The following UIMC1 variants were observed in gnomAD, a reference collection of about 807,000 sequenced individuals.
UIMC1 encodes the protein ubiquitin interaction motif containing 1, also known as BRCA1-A complex subunit RAP80.
Under a neutral mutation model 84.9 loss-of-function variants are expected in UIMC1, and 42 were observed. The observed-to-expected ratio is 0.49, with a 90% CI of 0.39 to 0.64. The LOEUF is 0.64. Among genes scored for constraint, UIMC1 ranks in the 30% least tolerant of loss-of-function variants. UIMC1 has a pLI of 0.00. For missense variants in UIMC1, 825 were observed against 847.6 expected (o/e 0.97, Z 0.33); for synonymous variants, 281 against 293.0 (o/e 0.96, Z 0.42).
chr5:176,969,357 A>G, intron 5 of UIMC1, 66 bp from the exon 6 acceptor site: 1 of 1,525,842 alleles, frequency 6.6e-7, no homozygotes, highest in Non-Finnish European at 8.8e-7. Context: ...TTGGTAAGTT[A>G]TCACTTACCA....
chr5:176,965,091 C>T (rs937457832), intron 6 of UIMC1, among the ~76,000 whole-genome samples: 1 of 152,066 alleles, frequency 6.6e-6, no homozygotes. Context: ...AAATCAGATG[C>T]CCAGTACCTT....
chr5:177,002,661 C>A (rs944576374), intron 1 of UIMC1, among the ~76,000 whole-genome samples: 2 of 152,036 alleles, frequency 1.3e-5, no homozygotes, highest in Non-Finnish European at 2.9e-5. Flanking sequence ...ATCAACCGGG[C>A]GTAGTGGCAC....
chr5:176,951,372 C>T, intron 9 of UIMC1, 102 bp downstream of exon 9: 1 of 851,208 alleles, frequency 1.2e-6, no homozygotes, highest in African/African-American at 1.8e-5. Flanking sequence ...AACTAAAACC[C>T]CCTGCCACCT....
intron 1 of UIMC1, among the ~76,000 whole-genome samples, chr5:176,999,051 G>A (rs1055838282): frequency 2.0e-5 from 3 of 152,058 alleles, no homozygotes; most frequent in African/African-American, 7.2e-5. Context: ...AATCAGTCAG[G>A]CATGGTGTTG....
At chr5:176,979,618 A>T (rs1168490483) in intron 2 of UIMC1, among the ~76,000 whole-genome samples, 1 of 152,068 alleles carries the variant, frequency 6.6e-6, no homozygotes, top group African/African-American at 2.4e-5. Context: ...AAAAAAAAGA[A>T]AGGTGGAAAA....
intron 10 of UIMC1, among the ~76,000 whole-genome samples, chr5:176,934,559 G>C (rs1009063187): frequency 6.6e-6 from 1 of 152,198 alleles, no homozygotes; most frequent in Non-Finnish European, 1.5e-5. Flanking sequence ...CCTCACTCTG[G>C]ACTTGTGACG....
intron 2 of UIMC1, among the ~76,000 whole-genome samples, chr5:176,979,556 T>C (rs1433889247): frequency 6.6e-6 from 1 of 151,214 alleles, no homozygotes; most frequent in Admixed American, 6.6e-5. Context: ...TGAGCCGAGA[T>C]TGCACCACTA....
At chr5:176,977,708 G>C (rs1211042142) in intron 2 of UIMC1, among the ~76,000 whole-genome samples, 2 of 151,200 alleles carry the variant, frequency 1.3e-5, no homozygotes, top group Non-Finnish European at 2.9e-5. Flanking sequence ...TCAGGAGTTT[G>C]AGACCAGCCT....
intron 6 of UIMC1, among the ~76,000 whole-genome samples, chr5:176,960,371 G>A (rs1767195780): frequency 6.6e-6 from 1 of 152,096 alleles, no homozygotes; most frequent in South Asian, 2.1e-4. Context: ...CTCAATGGCA[G>A]TAATCTGAAC....
chr5:176,929,302 G>T (rs1221430806), intron 10 of UIMC1, among the ~76,000 whole-genome samples: 1 of 151,354 alleles, frequency 6.6e-6, no homozygotes, highest in Non-Finnish European at 1.5e-5. Flanking sequence ...GGTGGCTCAT[G>T]CCTGTAATCC....
chr5:176,990,240 G>A (rs1047978644), intron 1 of UIMC1, among the ~76,000 whole-genome samples: 1 of 151,650 alleles, frequency 6.6e-6, no homozygotes. Flanking sequence ...TGAAGACACA[G>A]CACTCATGAA....
At chr5:177,004,189 T>C (rs1581723155) in intron 1 of UIMC1, among the ~76,000 whole-genome samples, 1 of 152,150 alleles carries the variant, frequency 6.6e-6, no homozygotes, top group Admixed American at 6.5e-5. Context: ...CTAAAAGGCA[T>C]GTAAATAAAT....
rs201670204 is a variant in UIMC1, at chr5:177,013,432, CTT to C, written c.-9+9030_-9+9031del. ...TACTTTCTGATCATAAGAGAGGAAACTTATTTACATAATGGAAGGTTTAAACT... is the reference window on the plus strand; with the variant it reads ...TACTTTCTGATCATAAGAGAGGAAACATTTACATAATGGAAGGTTTAAACT... On this transcript the variant is annotated intron_variant, in intron 1 of 5. Transcript: ENST00000509236. Among the ~76,000 whole-genome samples the C allele has an allele frequency of 9.1e-3, 1,370 of 151,128 alleles. 7 individuals are homozygous for C. Among genetic ancestry groups the C allele is most frequent in the South Asian group, 0.025 (119 of 4,798 alleles).
intron 8 of UIMC1, among the ~76,000 whole-genome samples, chr5:176,953,996 G>A (rs1049103352): frequency 7.9e-5 from 12 of 152,190 alleles, no homozygotes; most frequent in Non-Finnish European, 1.5e-4. Context: ...TGGTGAAGCA[G>A]TTATACTTTC....
rs535369595 is a variant in UIMC1 at position 176,972,639 on chromosome 5, G to C, written c.233-1773C>G. Among the ~76,000 whole-genome samples the C allele has an allele frequency of 2.0e-5, 3 of 152,150 alleles. No homozygotes were observed. The South Asian group carries it at 6.2e-4, about 32-fold the overall frequency. On this transcript the variant is annotated intron_variant, in intron 3 of 14. Coordinates refer to ENST00000511320, the MANE Select transcript of UIMC1 (RefSeq NM_001199298.2). ...TAATCCCAGCTACTCGGGAGGCTGA[G>C]GTAGGAGAATCGCTTAAACCCGGGA...
chr5:177,015,169 T>G (rs948735819), intron 1 of UIMC1, among the ~76,000 whole-genome samples: 1 of 152,220 alleles, frequency 6.6e-6, no homozygotes, highest in Non-Finnish European at 1.5e-5. Flanking sequence ...GCTAAGTAGT[T>G]TACGGAGATT....
At chr5:177,010,485 A>C (rs1388247599), upstream of UIMC1, among the ~76,000 whole-genome samples, 1 of 152,180 alleles carries the variant, frequency 6.6e-6, no homozygotes, top group African/African-American at 2.4e-5. Flanking sequence ...AATATATCTA[A>C]AAGTATTCCC....
At chr5:176,924,863 AC>A (rs1762182823) in intron 10 of UIMC1, among the ~76,000 whole-genome samples, 1 of 151,896 alleles carries the variant, frequency 6.6e-6, no homozygotes, top group Non-Finnish European at 1.5e-5. Context: ...ACATGGTGAA[AC>A]CCTGACTCTA....
rs774765100 is a variant in UIMC1 at position 176,975,473 on chromosome 5, T to A, written c.155A>T (p.Lys52Met). ...CGTTTTCTGCAACCCATTTTCCTCC[T>A]TTGGTTCCTGTTGCAAAACAAGAAA... ...VISDSDGEEP[K>M]EENGLQKTKT... Residue 52 changes from lysine (K) to methionine (M), a missense_variant, in exon 3 of 15, where the codon AAG becomes ATG. Physicochemically the swap from Lys to Met is moderately conservative, Grantham distance 95 (BLOSUM62 -1). Coordinates refer to ENST00000511320, the MANE Select transcript of UIMC1 (RefSeq NM_001199298.2). 6 of 1,613,940 alleles carry A rather than the reference T, an allele frequency of 3.7e-6. No homozygotes were observed. The South Asian group carries it at 5.5e-5, about 15-fold the overall frequency.
Sources: allele counts gnomAD v4.1 joint callset (sites outside exome capture counted in the v4.1 genomes callset), GRCh38; gene constraint gnomAD v4.1.1; transcripts MANE v1.5; gene names NCBI Gene and HGNC (gene_info 2026-07-23, HGNC 2026-07-21).